Variants in MOB1B observed in about 807,000 individuals in gnomAD.
MOB1B encodes the protein MOB kinase activator 1B.
A neutral mutation model predicts 24.4 loss-of-function variants in MOB1B; 19 were observed. That is an observed-to-expected ratio of 0.78 (90% CI 0.54 to 1.14). The LOEUF is 1.14. Ranked by LOEUF, MOB1B falls within the 50% of genes most tolerant of loss-of-function variation. The pLI is 0.00. For missense variants in MOB1B, 243 were observed against 259.6 expected, an observed-to-expected ratio of 0.94 and a Z score of 0.44; for synonymous variants, 76 against 82.1, an observed-to-expected ratio of 0.93 and a Z score of 0.40.
intron 1 of MOB1B, among the ~76,000 whole-genome samples, chr4:70,940,564 G>A (rs1737286396): frequency 6.6e-6 from 1 of 152,124 alleles, no homozygotes; most frequent in Non-Finnish European, 1.5e-5. Context: ...CTCTGTCCAT[G>A]TATCAACATT....
chr4:70,933,048 A>G (rs1736942037), intron 1 of MOB1B, among the ~76,000 whole-genome samples: 1 of 152,182 alleles, frequency 6.6e-6, no homozygotes, highest in Non-Finnish European at 1.5e-5. Context: ...TCCCAATTCC[A>G]CAGGCTGTGT....
intron 1 of MOB1B, among the ~76,000 whole-genome samples, chr4:70,908,438 T>A (rs1295265221): frequency 3.3e-5 from 5 of 151,538 alleles, no homozygotes; most frequent in Admixed American, 3.3e-4. Flanking sequence ...AGGAAATACT[T>A]ACTGAGCACT....
chr4:70,961,327 C>G (rs1314524317), intron 2 of MOB1B, among the ~76,000 whole-genome samples: 2 of 152,200 alleles, frequency 1.3e-5, no homozygotes, highest in African/African-American at 2.4e-5. Context: ...AGCAGGTATA[C>G]AGCTAGACAG....
chr4:70,961,885 C>T (rs1738318844), intron 2 of MOB1B, among the ~76,000 whole-genome samples: 1 of 152,048 alleles, frequency 6.6e-6, no homozygotes, highest in Non-Finnish European at 1.5e-5. Flanking sequence ...AGTGTAATTA[C>T]TTAGCTAATA....
At chr4:70,901,981 G>T (rs1008108074), upstream of MOB1B, among the ~76,000 whole-genome samples, 7 of 152,136 alleles carry the variant, frequency 4.6e-5, no homozygotes, top group Admixed American at 2.0e-4. Flanking sequence ...ACTCACGGTG[G>T]GCCTAACTCC....
chr4:70,950,427 CA>C (rs34937726), intron 1 of MOB1B, among the ~76,000 whole-genome samples: 2,150 of 70,404 alleles, frequency 0.031, 44 homozygotes, highest in African/African-American at 0.073. Context: ...GTCTCTGTAT[CA>C]AAAAAAAAAA....
Position 70,979,296 on chromosome 4 carries a change from G to A in MOB1B, c.573+5G>A. The A allele has an allele frequency of 6.2e-7, 1 of 1,611,024 alleles. No individual in the cohort carries two copies. Among genetic ancestry groups the A allele is most frequent in the South Asian group, 1.1e-5 (1 of 90,952 alleles). ...CACTTTATTTTTTTTGTCCAGGTAA[G>A]TTGGATTAGGAGGCCTTTGGTGCTC... On this transcript the variant is annotated splice_donor_5th_base_variant and intron_variant, in intron 5 of 5. Transcript: ENST00000309395.
At chr4:70,968,453 A>ACCACCTACTACCC (rs1738624434) in intron 2 of MOB1B, among the ~76,000 whole-genome samples, 1 of 152,150 alleles carries the variant, frequency 6.6e-6, no homozygotes, top group African/African-American at 2.4e-5. Context: ...CTGGGATTAC[A>ACCACCTACTACCC]GGCATGCGCC....
At chr4:70,920,259 A>ATTCTCC (rs533685550) in intron 1 of MOB1B, among the ~76,000 whole-genome samples, 1 of 149,524 alleles carries the variant, frequency 6.7e-6, no homozygotes, top group Admixed American at 6.7e-5. Context: ...CCTCCTTCTC[A>ATTCTCC]TTCTCCTTCT....
At chr4:70,950,707 C>A in intron 1 of MOB1B, 3 of 1,518,418 alleles carry the variant, frequency 2.0e-6, no homozygotes, top group Non-Finnish European at 2.6e-6. Flanking sequence ...TAGGAGTTCT[C>A]AGCCTGAAGT....
At chr4:70,944,350 T>C (rs1227642460) in intron 1 of MOB1B, among the ~76,000 whole-genome samples, 1 of 152,208 alleles carries the variant, frequency 6.6e-6, no homozygotes, top group Non-Finnish European at 1.5e-5. Flanking sequence ...TACTTTTTTA[T>C]TTAGATTTTT....
intron 1 of MOB1B, among the ~76,000 whole-genome samples, chr4:70,907,908 G>T (rs1362322577): frequency 6.6e-6 from 1 of 152,118 alleles, no homozygotes; most frequent in Non-Finnish European, 1.5e-5. Context: ...AACCTCCAGA[G>T]TAGCTGGGAT....
intron 1 of MOB1B, among the ~76,000 whole-genome samples, chr4:70,902,954 A>G (rs769951341): frequency 6.6e-6 from 1 of 152,074 alleles, no homozygotes; most frequent in Non-Finnish European, 1.5e-5. Flanking sequence ...GCGGCTGCCC[A>G]TTGCTCTTTT....
At chr4:70,933,681 A>G (rs1302327791) in intron 1 of MOB1B, among the ~76,000 whole-genome samples, 1 of 150,162 alleles carries the variant, frequency 6.7e-6, no homozygotes, top group Non-Finnish European at 1.5e-5. Flanking sequence ...CTTCCCGAGT[A>G]GCTGGGATTA....
intron 1 of MOB1B, among the ~76,000 whole-genome samples, chr4:70,913,890 G>T (rs1736096865): frequency 6.8e-6 from 1 of 147,528 alleles, no homozygotes; most frequent in South Asian, 2.2e-4. Context: ...TTATTAGTTG[G>T]CAATTTTACT....
intron 1 of MOB1B, chr4:70,942,794 A>T: frequency 1.1e-6 from 1 of 877,380 alleles, no homozygotes. Context: ...GAATTCCTGT[A>T]TGCAAAATAT....
rs1737193304 is a variant in MOB1B at position 70,938,695 on chromosome 4, A to T, written c.15-20179A>T. On this transcript the variant is annotated intron_variant, in intron 1 of 5. Transcript: ENST00000309395. Reference sequence around the variant, plus strand: ...TGCACCTCCAGAGTATTCTACATCTAGAGGCGTCACTAATTCCTAAATCCC... The same window carrying T: ...TGCACCTCCAGAGTATTCTACATCTTGAGGCGTCACTAATTCCTAAATCCC... 7.6e-5 allele frequency among the ~76,000 whole-genome samples: 4 copies of T among 52,606 alleles called. No homozygotes were observed. The Admixed American group carries it at 1.0e-3, about 14-fold the overall frequency. The allele number at this position is 52,606 out of a possible 152,430, so 34.5% of individuals were successfully genotyped here. A position where few individuals can be genotyped will look rare whatever the true frequency, so the allele number is the denominator to read the frequency against.
At chr4:70,957,089 A>G (rs1305778979) in intron 1 of MOB1B, among the ~76,000 whole-genome samples, 2 of 145,602 alleles carry the variant, frequency 1.4e-5, no homozygotes, top group East Asian at 2.0e-4. Flanking sequence ...AAGTGTAACC[A>G]TTGTTTATGT....
rs771108025 is a variant in MOB1B, at chr4:70,982,084, C to G, written c.*27C>G. 2 of 1,522,822 alleles carry G rather than the reference C, an allele frequency of 1.3e-6. No individual in the cohort carries two copies. Among genetic ancestry groups the G allele is most frequent in the South Asian group, 1.1e-5 (1 of 88,438 alleles). 94.3% of individuals were successfully genotyped at this position (1,522,822 alleles called of 1,614,324 possible). ...AGGATGCAGAGCTGTGCAAATTGTT[C>G]CTCAAATGAAGCAGTGTGGAGTGTA... On this transcript the variant is annotated 3_prime_UTR_variant, in exon 6 of 6. Coordinates refer to ENST00000309395, the MANE Select transcript of MOB1B (RefSeq NM_173468.4).
Sources: gnomAD v4.1 joint callset for allele counts (sites outside exome capture counted in the v4.1 genomes callset) on GRCh38, gnomAD v4.1.1 for gene constraint, MANE v1.5 for transcripts, NCBI Gene and HGNC (gene_info 2026-07-23, HGNC 2026-07-21) for gene names.